KDM6A: variants seen among roughly 807,000 people sequenced by gnomAD.
KDM6A encodes the protein lysine-specific demethylase 6A.
A neutral mutation model predicts 117.6 loss-of-function variants in KDM6A; 11 were observed. The observed-to-expected ratio is 0.09, with a 90% CI of 0.06 to 0.15. The LOEUF (loss-of-function observed/expected upper bound fraction) is 0.15, where lower values mean the gene tolerates loss of function less well. Among genes scored for constraint, KDM6A ranks in the 10% least tolerant of loss-of-function variants. The probability of loss-of-function intolerance (pLI) is 1.00; values close to 1 mark genes in which losing one functional copy is unlikely to be tolerated. For synonymous variants in KDM6A, 384 were observed against 396.1 expected (o/e 0.97, Z 0.36); for missense variants, 799 against 1,077.3 (o/e 0.74, Z 3.62).
intron 2 of KDM6A, among the ~76,000 whole-genome samples, chrX:44,892,252 A>G (rs942750152): frequency 1.8e-5 from 2 of 112,245 alleles, no homozygotes; most frequent in Non-Finnish European, 3.8e-5. Context: ...GTCTATGTCT[A>G]CATAAAAGCT....
chrX:45,082,031 G>A (rs749058555), intron 21 of KDM6A, among the ~76,000 whole-genome samples: 20 of 109,960 alleles, frequency 1.8e-4, no homozygotes, highest in Admixed American at 8.7e-4. Context: ...CCTCTGCCTC[G>A]GCCTCCCAAA....
intron 2 of KDM6A, among the ~76,000 whole-genome samples, chrX:44,955,887 G>A (rs1015511784): frequency 2.9e-4 from 32 of 111,234 alleles, no homozygotes; most frequent in African/African-American, 1.0e-3. Flanking sequence ...TTTTAAAAAT[G>A]CAAATTAGAA....
intron 27 of KDM6A, among the ~76,000 whole-genome samples, chrX:45,093,375 A>T (rs1165485042): frequency 2.0e-5 from 2 of 100,963 alleles, no homozygotes; most frequent in Non-Finnish European, 3.9e-5. Flanking sequence ...ACTCTCTCTC[A>T]AAAAAAAAAC....
chrX:44,924,767 T>TA (rs1053877881), intron 2 of KDM6A, among the ~76,000 whole-genome samples: 1 of 110,441 alleles, frequency 9.1e-6, no homozygotes, highest in Non-Finnish European at 1.9e-5. Flanking sequence ...TGTCTCATTA[T>TA]AGCCTTTACC....
chrX:45,033,857 G>A (rs2147769731), intron 6 of KDM6A, among the ~76,000 whole-genome samples: 1 of 110,942 alleles, frequency 9.0e-6, no homozygotes, highest in South Asian at 3.9e-4. Context: ...CTTGCCAAGA[G>A]ACATTCTTGA....
At chrX:45,041,650 G>A (rs1267280827) in intron 8 of KDM6A, among the ~76,000 whole-genome samples, 3 of 110,824 alleles carry the variant, frequency 2.7e-5, no homozygotes, top group African/African-American at 6.7e-5. Flanking sequence ...CCTCTCAGAC[G>A]ATGGGCGGCC....
chrX:44,901,496 CTTGTT>C (rs2034345553), intron 2 of KDM6A, among the ~76,000 whole-genome samples: 1 of 110,981 alleles, frequency 9.0e-6, no homozygotes, highest in Non-Finnish European at 1.9e-5. Flanking sequence ...GCTATTAAGT[CTTGTT>C]TTGTAGAGCT....
intron 2 of KDM6A, among the ~76,000 whole-genome samples, chrX:44,890,611 G>A (rs953046773): frequency 9.3e-5 from 8 of 86,266 alleles, no homozygotes; most frequent in Non-Finnish European, 1.6e-4. Context: ...TGGTTTTAAT[G>A]TGTATTTCCC....
intron 3 of KDM6A, among the ~76,000 whole-genome samples, chrX:44,963,869 G>A (rs1264034577): frequency 9.1e-6 from 1 of 109,695 alleles, no homozygotes; most frequent in Non-Finnish European, 1.9e-5. Flanking sequence ...ACAGGCATGC[G>A]ACACCATGCC....
intron 2 of KDM6A, among the ~76,000 whole-genome samples, chrX:44,893,051 G>A (rs2033519440): frequency 9.6e-6 from 1 of 104,427 alleles, no homozygotes; most frequent in South Asian, 4.4e-4. Context: ...GTACACGCCT[G>A]TAAGTCCCAG....
At chrX:44,911,862 C>CA (rs2146797756) in intron 2 of KDM6A, among the ~76,000 whole-genome samples, 1 of 111,297 alleles carries the variant, frequency 9.0e-6, no homozygotes, top group Non-Finnish European at 1.9e-5. Context: ...CCGTCTCTAC[C>CA]AAAAAAATAT....
At chrX:44,996,078 T>C (rs2040849771) in intron 4 of KDM6A, among the ~76,000 whole-genome samples, 1 of 110,494 alleles carries the variant, frequency 9.1e-6, no homozygotes, top group South Asian at 3.9e-4. Context: ...TATATTTGTT[T>C]ATTTGTTTTA....
At chrX:44,978,286 A>G (rs1261437797) in intron 4 of KDM6A, among the ~76,000 whole-genome samples, 1 of 112,627 alleles carries the variant, frequency 8.9e-6, no homozygotes, top group East Asian at 2.8e-4. Flanking sequence ...GTTATCCCAA[A>G]GATATATTTT....
At chrX:45,042,916 C>A (rs748201658) in intron 8 of KDM6A, among the ~76,000 whole-genome samples, 40 of 112,906 alleles carry the variant, frequency 3.5e-4, no homozygotes, top group Non-Finnish European at 7.3e-4. Context: ...TTATGGAATA[C>A]CACTTTACCT....
intron 4 of KDM6A, among the ~76,000 whole-genome samples, chrX:44,986,141 G>A (rs1202780700): frequency 9.0e-6 from 1 of 111,260 alleles, no homozygotes. Flanking sequence ...GTCTTGGGAG[G>A]GTGTATGTGT....
intron 19 of KDM6A, among the ~76,000 whole-genome samples, chrX:45,077,510 G>C (rs938004085): frequency 4.5e-5 from 5 of 110,204 alleles, no homozygotes; most frequent in Admixed American, 2.9e-4. Flanking sequence ...AATGGTACTA[G>C]AGTTTGTTTT....
intron 4 of KDM6A, among the ~76,000 whole-genome samples, chrX:44,975,764 T>A (rs929751743): frequency 2.7e-5 from 3 of 112,031 alleles, no homozygotes; most frequent in African/African-American, 9.7e-5. Context: ...GAAGGGTCCC[T>A]GGAGAATCAC....
At chrX:45,088,803 A>T (rs1046908878) in intron 25 of KDM6A, among the ~76,000 whole-genome samples, 1 of 113,011 alleles carries the variant, frequency 8.8e-6, no homozygotes, top group Non-Finnish European at 1.9e-5. Context: ...GGAGAATAAG[A>T]AGCCAGATAT....
At chrX:45,046,431 A>G (rs1205156064) in intron 8 of KDM6A, among the ~76,000 whole-genome samples, 2 of 111,897 alleles carry the variant, frequency 1.8e-5, no homozygotes, top group East Asian at 2.8e-4. Context: ...GTATTATACT[A>G]TAGGTATTAG....
Sources: allele counts gnomAD v4.1 joint callset (sites outside exome capture counted in the v4.1 genomes callset), GRCh38; gene constraint gnomAD v4.1.1; transcripts MANE v1.5; gene names NCBI Gene and HGNC (gene_info 2026-07-23, HGNC 2026-07-21).